CSNK1D: variants seen among roughly 807,000 people sequenced by gnomAD.
CSNK1D encodes casein kinase I isoform delta.
In CSNK1D, 16 loss-of-function variants were observed where a neutral mutation model predicts 46.6. The ratio of observed to expected loss-of-function variants is 0.34; its 90% CI spans 0.23 to 0.52. CSNK1D has a LOEUF of 0.52. Ranked by LOEUF, CSNK1D falls within the 20% of genes least tolerant of loss-of-function variation. The pLI is 0.95. For synonymous variants in CSNK1D, 276 were observed against 228.2 expected, an observed-to-expected ratio of 1.21 and a Z score of -1.89; for missense variants, 398 against 578.4, an observed-to-expected ratio of 0.69 and a Z score of 3.20.
Position 82,248,204 on chromosome 17 carries a change from T to A in CSNK1D, c.1197+671A>T. 1 of 985,524 alleles carries A rather than the reference T, an allele frequency of 1.0e-6. No homozygotes were observed. Among genetic ancestry groups the A allele is most frequent in the Non-Finnish European group, 1.2e-6 (1 of 830,000 alleles). The allele number at this position is 985,524 out of a possible 1,614,324, so 61.0% of individuals were successfully genotyped here. On this transcript the variant is annotated intron_variant, in intron 8 of 8. Transcript: ENST00000314028. This position sits in a 1 kb window ranked among gnomAD's most constrained non-coding sequence, Gnocchi z 4.1. Reference sequence around the variant, plus strand: ...CAGAAAACTATTTGAAGAAATATAATGGATCCATATGGAGAAAGCTGTTCT... The same window carrying A: ...CAGAAAACTATTTGAAGAAATATAAAGGATCCATATGGAGAAAGCTGTTCT...
chr17:82,253,380 G>C, intron 3 of CSNK1D, 136 bp from the exon 4 acceptor site: 1 of 792,234 alleles, frequency 1.3e-6, no homozygotes. Context: ...CAATTAGCGA[G>C]GGGGATGCCG....
rs953278910 is a variant in CSNK1D, at chr17:82,273,576, G to A, written c.-195C>T. ...ATACGGGGCGGATGGGACAGTCCGAGCGCCGCCGCCGCTGCTCCGGCCCCT... is the reference window on the plus strand; with the variant it reads ...ATACGGGGCGGATGGGACAGTCCGAACGCCGCCGCCGCTGCTCCGGCCCCT... On this transcript the variant is annotated 5_prime_UTR_variant, in exon 1 of 9. Coordinates refer to ENST00000314028, the MANE Select transcript of CSNK1D (RefSeq NM_001893.6). This position sits in a 1 kb window ranked among gnomAD's most constrained non-coding sequence, Gnocchi z 5.1. 45 of 639,116 alleles carry A rather than the reference G, an allele frequency of 7.0e-5. No individual in the cohort carries two copies. The highest frequency in any genetic ancestry group is 1.1e-4 in the Non-Finnish European group (44 of 383,424). 39.6% of individuals were successfully genotyped at this position (639,116 alleles called of 1,614,324 possible).
intron 8 of CSNK1D, chr17:82,246,467 T>C: frequency 7.1e-6 from 8 of 1,120,656 alleles, no homozygotes; most frequent in Non-Finnish European, 8.8e-6. Context: ...AGTCATCGAC[T>C]GTTGGAATGA....
chr17:82,255,687 G>A lies in CSNK1D; in HGVS notation c.188-110C>T. 2 of 1,404,414 alleles carry A rather than the reference G, an allele frequency of 1.4e-6. No homozygotes were observed. Among genetic ancestry groups the A allele is most frequent in the Admixed American group, 1.7e-5 (1 of 59,590 alleles). The allele number at this position is 1,404,414 out of a possible 1,614,324, so 87.0% of individuals were successfully genotyped here. ...CATGGTGACAATCCTGAACGGGGGA[G>A]GGGTGGTGGAGGTAGAAGACCCCGG... On this transcript the variant is annotated intron_variant, in intron 2 of 8. Transcript: ENST00000314028. The surrounding 1 kb of genome is among the most constrained non-coding windows in gnomAD (Gnocchi z 5.9).
chr17:82,243,556 C>A lies in CSNK1D; in HGVS notation c.*1225G>T. The A allele has an allele frequency of 1.0e-6, 1 of 985,476 alleles. No homozygotes were observed. The highest frequency in any genetic ancestry group is 1.2e-6 in the Non-Finnish European group (1 of 829,960). 61.0% of individuals were successfully genotyped at this position (985,476 alleles called of 1,614,324 possible). A position where few individuals can be genotyped will look rare whatever the true frequency, so the allele number is the denominator to read the frequency against. Reference sequence around the variant, plus strand: ...TTCACTTCTGACCAACAGACACGCGCCCAACAGAAGGTCACAGCGCAGACT... The same window carrying A: ...TTCACTTCTGACCAACAGACACGCGACCAACAGAAGGTCACAGCGCAGACT... On this transcript the variant is annotated 3_prime_UTR_variant, in exon 9 of 9. Coordinates refer to ENST00000314028, the MANE Select transcript of CSNK1D (RefSeq NM_001893.6).
At chr17:82,241,571 C>A (rs573083817), downstream of CSNK1D, among the ~76,000 whole-genome samples, 3 of 152,360 alleles carry the variant, frequency 2.0e-5, no homozygotes, top group African/African-American at 7.2e-5. Context: ...CTGGGAAGCT[C>A]AGGCAGGAAC....
Position 82,255,447 on chromosome 17 carries a change from C to T in CSNK1D, c.318G>A (p.Leu106=). The T allele has an allele frequency of 6.2e-7, 1 of 1,614,188 alleles. No homozygotes were observed. The highest frequency in any genetic ancestry group is 8.5e-7 in the Non-Finnish European group (1 of 1,180,040). Residue 106 remains leucine, a synonymous_variant, in exon 3 of 9, where the codon CTG becomes CTA. Coordinates refer to ENST00000314028, the MANE Select transcript of CSNK1D (RefSeq NM_001893.6). The surrounding 1 kb of genome is among the most constrained non-coding windows in gnomAD (Gnocchi z 5.9). ...CSRKFSLKTV[L]LLADQMISRI... ...TCCTTACCATTTGGTCAGCAAGCAG[C>T]AGGACGGTTTTGAGGCTGAATTTCC...
At chr17:82,266,517 G>A (rs2051472814) in intron 1 of CSNK1D, among the ~76,000 whole-genome samples, 1 of 152,142 alleles carries the variant, frequency 6.6e-6, no homozygotes, top group Non-Finnish European at 1.5e-5. Context: ...TGAGTTTGGA[G>A]GCAAAATTAC....
chr17:82,244,947 G>A lies in CSNK1D; in HGVS notation c.1198-116C>T, dbSNP rs2050811875. On this transcript the variant is annotated intron_variant, in intron 8 of 8. Coordinates refer to ENST00000314028, the MANE Select transcript of CSNK1D (RefSeq NM_001893.6). ...GACGCACCGCCACCGCCTAGCCCCA[G>A]TCTAGACGCCTGCGTCCCCCGCCAC... 5.8e-6 allele frequency: 8 copies of A among 1,374,210 alleles called. No homozygotes were observed. In the South Asian group the frequency reaches 8.3e-5, roughly 14 times the overall value. The allele number at this position is 1,374,210 out of a possible 1,614,324, so 85.1% of individuals were successfully genotyped here. A position where few individuals can be genotyped will look rare whatever the true frequency, so the allele number is the denominator to read the frequency against.
Position 82,262,358 on chromosome 17 carries a change from G to C in CSNK1D, c.187+3328C>G, listed in dbSNP as rs369015840. Reference sequence around the variant, plus strand: ...CCTTCTAAACCCAGTTTCCTCATTTGCAACATAAGGCTGAAGAGCTCAGTA... The same window carrying C: ...CCTTCTAAACCCAGTTTCCTCATTTCCAACATAAGGCTGAAGAGCTCAGTA... On this transcript the variant is annotated intron_variant, in intron 2 of 8. Coordinates refer to ENST00000314028, the MANE Select transcript of CSNK1D (RefSeq NM_001893.6). Among the ~76,000 whole-genome samples the C allele has an allele frequency of 1.5e-4, 23 of 152,316 alleles. No homozygotes were observed. The East Asian group carries it at 2.7e-3, about 18-fold the overall frequency.
rs1896919501 is a variant in CSNK1D at position 82,249,024 on chromosome 17, G to A, written c.1058-10C>T. On this transcript the variant is annotated splice_polypyrimidine_tract_variant and intron_variant, in intron 7 of 8. Coordinates refer to ENST00000314028, the MANE Select transcript of CSNK1D (RefSeq NM_001893.6). The surrounding 1 kb of genome is among the most constrained non-coding windows in gnomAD (Gnocchi z 6.7). ...CGGGGGGAGGTGTTAGCTGAGGACA[G>A]GGAGAGAAACGGAGTGGGCCGCCCC... 1 of 1,554,150 alleles carries A rather than the reference G, an allele frequency of 6.4e-7. No homozygotes were observed. The highest frequency in any genetic ancestry group is 1.4e-5 in the African/African-American group (1 of 73,238).
Position 82,252,606 on chromosome 17 carries a change from TGAAAA to T in CSNK1D, c.566-7_566-3del, listed in dbSNP as rs1333700109. 2 of 1,613,406 alleles carry T rather than the reference TGAAAA, an allele frequency of 1.2e-6. No homozygotes were observed. Among genetic ancestry groups the T allele is most frequent in the African/African-American group, 1.3e-5 (1 of 74,922 alleles). ...CCAAGTCATCTCTTCGGGATTGTTC[TGAAAA>T]GAAAAGGGAAAGGCGTGAAGAACGG... On this transcript the variant is annotated splice_region_variant and splice_polypyrimidine_tract_variant and intron_variant, in intron 4 of 8. Coordinates refer to ENST00000314028, the MANE Select transcript of CSNK1D (RefSeq NM_001893.6). This position sits in a 1 kb window ranked among gnomAD's most constrained non-coding sequence, Gnocchi z 4.6.
rs1169622755 is a variant in CSNK1D, at chr17:82,254,028, G to A, written c.337-784C>T. On this transcript the variant is annotated intron_variant, in intron 3 of 8. Coordinates refer to ENST00000314028, the MANE Select transcript of CSNK1D (RefSeq NM_001893.6). ...CCTCGAGAAGCCAGTCAGCTGAGCC[G>A]CCGGAGCCTCGAGAAGCCAGTCAGC... 300 of 193,606 alleles carry A rather than the reference G, an allele frequency of 1.5e-3. 2 individuals are homozygous for A. The highest frequency in any genetic ancestry group is 2.5e-3 in the Non-Finnish European group (262 of 105,478). The allele number at this position is 193,606 out of a possible 1,614,324, so 12.0% of individuals were successfully genotyped here.
chr17:82,258,340 ATATATATAT>A (rs1478645802), intron 2 of CSNK1D, among the ~76,000 whole-genome samples: 2 of 150,796 alleles, frequency 1.3e-5, no homozygotes, highest in Non-Finnish European at 3.0e-5. Flanking sequence ...ATATGTGTAT[ATATATATAT>A]TATATATATG....
Position 82,249,340 on chromosome 17 carries a change from C to A in CSNK1D, c.1057+91G>T. 1 of 1,298,854 alleles carries A rather than the reference C, an allele frequency of 7.7e-7. No individual in the cohort carries two copies. Among genetic ancestry groups the A allele is most frequent in the Non-Finnish European group, 1.1e-6 (1 of 932,756 alleles). 80.5% of individuals were successfully genotyped at this position (1,298,854 alleles called of 1,614,324 possible). A position where few individuals can be genotyped will look rare whatever the true frequency, so the allele number is the denominator to read the frequency against. ...CGCCTGACACAGGGCACTTAGTGTCCACCACCAAGTACCCTGTTGTCCCCA... is the reference window on the plus strand; with the variant it reads ...CGCCTGACACAGGGCACTTAGTGTCAACCACCAAGTACCCTGTTGTCCCCA... On this transcript the variant is annotated intron_variant, in intron 7 of 8. Transcript: ENST00000314028. This position sits in a 1 kb window ranked among gnomAD's most constrained non-coding sequence, Gnocchi z 6.7.
chr17:82,262,313 T>C (rs2051360607), intron 2 of CSNK1D, among the ~76,000 whole-genome samples: 1 of 152,202 alleles, frequency 6.6e-6, no homozygotes, highest in African/African-American at 2.4e-5. Flanking sequence ...TTCAAGTCTG[T>C]CCTCTGTGAA....
chr17:82,249,487 A>AG lies in CSNK1D; in HGVS notation c.1000dup (p.Leu334ProfsTer21). On this transcript the variant is annotated frameshift_variant, in exon 7 of 9. Transcript: ENST00000314028. LOFTEE classifies it high-confidence loss of function. The surrounding 1 kb of genome is among the most constrained non-coding windows in gnomAD (Gnocchi z 6.7). ...GGGAGCCACTTCCTGCGTCCCCCGC[A>AG]GGCGGCCGGAGGCTGTGGAAGGGAG... The AG allele has an allele frequency of 6.5e-7, 1 of 1,542,712 alleles. No homozygotes were observed. The highest frequency in any genetic ancestry group is 8.7e-7 in the Non-Finnish European group (1 of 1,146,644).
At chr17:82,258,094 C>T (rs1027166201) in intron 2 of CSNK1D, among the ~76,000 whole-genome samples, 1 of 151,082 alleles carries the variant, frequency 6.6e-6, no homozygotes, top group Non-Finnish European at 1.5e-5. Flanking sequence ...ACAGTCCCAG[C>T]TACTCGGGAG....
At position 82,252,308 on chromosome 17, in the gene CSNK1D, T is replaced by C. The variant is rs548932158; in HGVS notation, c.736+126A>G. 1.4e-4 allele frequency: 160 copies of C among 1,135,168 alleles called. No homozygotes were observed. The highest frequency in any genetic ancestry group is 2.0e-4 in the Non-Finnish European group (149 of 748,492). 70.3% of individuals were successfully genotyped at this position (1,135,168 alleles called of 1,614,324 possible). ...CATACACAAAAGCGCCCCGCTTTCC[T>C]GCCACCACCCCTTTGGAAGGTGAGC... is the stretch of plus-strand genomic sequence containing the variant. On this transcript the variant is annotated intron_variant, in intron 5 of 8. Coordinates refer to ENST00000314028, the MANE Select transcript of CSNK1D (RefSeq NM_001893.6). This position sits in a 1 kb window ranked among gnomAD's most constrained non-coding sequence, Gnocchi z 4.6.
Sources: gnomAD v4.1 joint callset for allele counts (sites outside exome capture counted in the v4.1 genomes callset) on GRCh38, gnomAD v4.1.1 for gene constraint, Gnocchi (gnomAD v3.1) non-coding constraint, MANE v1.5 for transcripts, NCBI Gene and HGNC (gene_info 2026-07-23, HGNC 2026-07-21) for gene names.